TRPC4AP: variants seen among roughly 807,000 people sequenced by gnomAD.
TRPC4AP encodes transient receptor potential cation channel subfamily C member 4 associated protein.
A neutral mutation model predicts 99.0 loss-of-function variants in TRPC4AP; 45 were observed. That is an observed-to-expected ratio of 0.45 (90% CI 0.36 to 0.58). TRPC4AP has a LOEUF of 0.58. Among genes scored for constraint, TRPC4AP ranks in the 20% least tolerant of loss-of-function variants. The pLI, the probability that TRPC4AP is intolerant of heterozygous loss-of-function variation, is 0.00. For missense variants in TRPC4AP, 879 were observed against 985.3 expected, an observed-to-expected ratio of 0.89 and a Z score of 1.44; for synonymous variants, 408 against 385.8, an observed-to-expected ratio of 1.06 and a Z score of -0.67.
chr20:35,035,072 A>T, intron 8 of TRPC4AP, 51 bp downstream of exon 8: 1 of 1,547,806 alleles, frequency 6.5e-7, no homozygotes, highest in Admixed American at 1.9e-5. Flanking sequence ...GAATGGTCCC[A>T]GGCGCCCAAG....
At chr20:35,090,296 T>C (rs530796043) in intron 1 of TRPC4AP, among the ~76,000 whole-genome samples, 2 of 150,204 alleles carry the variant, frequency 1.3e-5, no homozygotes, top group South Asian at 4.2e-4. Context: ...CTCCCACACC[T>C]ATATACAACC....
In TRPC4AP at chr20:35,034,130, C is replaced by G. The variant is rs2083262034; in HGVS notation, c.1051+993G>C. Among the ~76,000 whole-genome samples the G allele has an allele frequency of 2.2e-4, 2 of 8,930 alleles. 1 individual carries two copies. Among genetic ancestry groups the G allele is most frequent in the Non-Finnish European group, 4.1e-4 (2 of 4,826 alleles). 5.9% of individuals were successfully genotyped at this position (8,930 alleles called of 152,430 possible). A position where few individuals can be genotyped will look rare whatever the true frequency, so the allele number is the denominator to read the frequency against. On this transcript the variant is annotated intron_variant, in intron 8 of 18. Transcript: ENST00000252015. ...ACTGCAGTCCGCAGTCCGACCTGGGCGACAGAGCGAGACTCCGTCTCAAAA... is the reference window on the plus strand; with the variant it reads ...ACTGCAGTCCGCAGTCCGACCTGGGGGACAGAGCGAGACTCCGTCTCAAAA...
rs538624237 is a variant in TRPC4AP at position 35,006,486 on chromosome 20, G to T, written c.1776C>A (p.Phe592Leu). 6.2e-7 allele frequency: 1 copy of T among 1,614,174 alleles called. No homozygotes were observed. Among genetic ancestry groups the T allele is most frequent in the Admixed American group, 1.7e-5 (1 of 60,018 alleles). ...TGAATCTCTTGAATGCATCAACGTTGAACTTCATCAGCTCCCCCAGGAGGT... is the reference window on the plus strand; with the variant it reads ...TGAATCTCTTGAATGCATCAACGTTTAACTTCATCAGCTCCCCCAGGAGGT... Reference protein sequence around the residue: ...YFDLLGELMKFNVDAFKRFNK... With the variant: ...YFDLLGELMKLNVDAFKRFNK... The change falls in exon 15 of 19, where the codon TTC becomes TTA. Residue 592 changes from phenylalanine to leucine, a missense_variant. Physicochemically the swap from Phe to Leu is conservative, Grantham distance 22. Around this residue, in one of 3 missense-constraint regions of TRPC4AP, gnomAD observed 224 missense variants for 264.7 expected, o/e 0.85. Transcript: ENST00000252015.
In TRPC4AP at chr20:35,049,832, T is replaced by C. The variant is rs779832558; in HGVS notation, c.657+34A>G. ...GAGAATCCAATGGTCTGAGACACCC[T>C]TCCCCATCTGGTCAGCTAGAGGACA... On this transcript the variant is annotated intron_variant, in intron 6 of 18. Coordinates refer to ENST00000252015, the MANE Select transcript of TRPC4AP (RefSeq NM_015638.3). 8 of 1,593,090 alleles carry C rather than the reference T, an allele frequency of 5.0e-6. No homozygotes were observed. The African/African-American group carries it at 9.4e-5, about 19-fold the overall frequency.
chr20:35,057,873 G>T (rs1360368700), intron 3 of TRPC4AP, among the ~76,000 whole-genome samples: 1 of 152,176 alleles, frequency 6.6e-6, no homozygotes, highest in African/African-American at 2.4e-5. Context: ...AAAAGCTGCA[G>T]AACATTATTA....
Position 35,069,338 on chromosome 20 carries a change from A to G in TRPC4AP, c.372T>C (p.Thr124=). The G allele has an allele frequency of 6.2e-7, 1 of 1,612,382 alleles. No individual in the cohort carries two copies. The highest frequency in any genetic ancestry group is 8.5e-7 in the Non-Finnish European group (1 of 1,178,486). ...AGTCAAAAATGTAAGTATTTGGATA[A>G]GTGGTTTCTTGGGTAAGTTTCCTCT... ...TEERKLTQET[T]YPNTYIFDLF... is the part of the protein sequence containing the mutation. The change falls in exon 3 of 19, where the codon ACT becomes ACC. Residue 124 remains threonine, a synonymous_variant. Coordinates refer to ENST00000252015, the MANE Select transcript of TRPC4AP (RefSeq NM_015638.3).
intron 16 of TRPC4AP, 55 bp from the exon 17 acceptor site, chr20:35,004,625 G>A (rs960572686): frequency 1.1e-5 from 17 of 1,507,118 alleles, no homozygotes; most frequent in Admixed American, 7.2e-5. Flanking sequence ...TGGCTGGGTC[G>A]CCCAGGCCTT....
At chr20:35,064,726 G>A (rs6142289) in intron 3 of TRPC4AP, among the ~76,000 whole-genome samples, 3 of 152,048 alleles carry the variant, frequency 2.0e-5, no homozygotes, top group Non-Finnish European at 2.9e-5. Context: ...AGAGACCTAA[G>A]GTCATCCTCT....
Position 35,008,680 on chromosome 20 carries a change from C to CT in TRPC4AP, c.1578dup (p.Ala527SerfsTer48). ...CAGACTCACCTGAAAGACGACTCTG[C>CT]TGGCTCCTTCTTCATGACCTGCAGC... is the stretch of plus-strand genomic sequence containing the variant. On this transcript the variant is annotated frameshift_variant, in exon 13 of 19. Transcript: ENST00000252015. LOFTEE classifies it high-confidence loss of function. 1 of 1,613,988 alleles carries CT rather than the reference C, an allele frequency of 6.2e-7. No individual in the cohort carries two copies. Among genetic ancestry groups the CT allele is most frequent in the Admixed American group, 1.7e-5 (1 of 60,006 alleles).
At chr20:35,060,410 G>A (rs1006376530) in intron 3 of TRPC4AP, among the ~76,000 whole-genome samples, 1 of 151,736 alleles carries the variant, frequency 6.6e-6, no homozygotes, top group Non-Finnish European at 1.5e-5. Flanking sequence ...AACATAGTGA[G>A]ACCCTGTCTC....
chr20:35,041,828 A>G (rs1004016743), intron 7 of TRPC4AP, among the ~76,000 whole-genome samples: 1 of 152,188 alleles, frequency 6.6e-6, no homozygotes, highest in Non-Finnish European at 1.5e-5. Context: ...GTTTCCTCAC[A>G]TGTGCAATGG....
chr20:35,046,351 AT>A (rs1406961212), intron 6 of TRPC4AP, among the ~76,000 whole-genome samples: 1 of 152,090 alleles, frequency 6.6e-6, no homozygotes, highest in Admixed American at 6.5e-5. Flanking sequence ...AACTTTTCTC[AT>A]TTTGAACCAT....
At chr20:35,080,534 TAAAA>T (rs71196786) in intron 1 of TRPC4AP, among the ~76,000 whole-genome samples, 5 of 82,064 alleles carry the variant, frequency 6.1e-5, no homozygotes, top group South Asian at 9.4e-4. Flanking sequence ...AGACTCCATC[TAAAA>T]AAAAAAAAAA....
At chr20:35,012,218 C>T (rs1171431514) in intron 11 of TRPC4AP, among the ~76,000 whole-genome samples, 1 of 152,248 alleles carries the variant, frequency 6.6e-6, no homozygotes, top group African/African-American at 2.4e-5. Flanking sequence ...TGGAGGTGCC[C>T]TGGGGCCACA....
At chr20:35,066,014 T>C (rs755336851) in intron 3 of TRPC4AP, among the ~76,000 whole-genome samples, 4 of 152,186 alleles carry the variant, frequency 2.6e-5, no homozygotes, top group Non-Finnish European at 4.4e-5. Flanking sequence ...TGCATGCAGA[T>C]GTCACACTCA....
intron 2 of TRPC4AP, among the ~76,000 whole-genome samples, chr20:35,076,061 G>A (rs1034540579): frequency 6.6e-6 from 1 of 152,124 alleles, no homozygotes; most frequent in Non-Finnish European, 1.5e-5. Context: ...GGCTACTGAA[G>A]CTTGTGCATG....
intron 6 of TRPC4AP, among the ~76,000 whole-genome samples, chr20:35,049,118 G>A (rs1028864624): frequency 1.8e-4 from 28 of 152,148 alleles, no homozygotes; most frequent in African/African-American, 6.8e-4. Context: ...TTAGGACTGG[G>A]GAGGTGAGCT....
intron 3 of TRPC4AP, among the ~76,000 whole-genome samples, chr20:35,064,047 T>G (rs2084076306): frequency 6.6e-6 from 1 of 152,222 alleles, no homozygotes; most frequent in Non-Finnish European, 1.5e-5. Flanking sequence ...CTTTTCCTTT[T>G]AAAATGAGAA....
chr20:35,068,975 A>C (rs2084225455), intron 3 of TRPC4AP, among the ~76,000 whole-genome samples: 1 of 64,044 alleles, frequency 1.6e-5, no homozygotes. Flanking sequence ...ACACACACAC[A>C]CACAAAAAAA....
Sources: gnomAD v4.1 joint callset for allele counts (sites outside exome capture counted in the v4.1 genomes callset) on GRCh38, gnomAD v4.1.1 for gene constraint, gnomAD v4.1.1 regional missense constraint, MANE v1.5 for transcripts, NCBI Gene and HGNC (gene_info 2026-07-23, HGNC 2026-07-21) for gene names.